Variants in UTRN observed in about 807,000 individuals in gnomAD.
The protein encoded by UTRN is utrophin.
In UTRN, 283 loss-of-function variants were observed where a neutral mutation model predicts 463.9. The ratio of observed to expected loss-of-function variants is 0.61; its 90% CI spans 0.55 to 0.67. UTRN has a LOEUF of 0.67. Among genes scored for constraint, UTRN ranks in the 30% least tolerant of loss-of-function variants. The pLI, the probability that UTRN is intolerant of heterozygous loss-of-function variation, is 0.00. For synonymous variants in UTRN, 1,442 were observed against 1,431.5 expected, an observed-to-expected ratio of 1.01 and a Z score of -0.17; for missense variants, 3,922 against 4,084.3, an observed-to-expected ratio of 0.96 and a Z score of 1.08.
intron 49 of UTRN, among the ~76,000 whole-genome samples, chr6:144,555,974 T>C (rs1799344365): frequency 6.6e-6 from 1 of 152,246 alleles, no homozygotes; most frequent in Non-Finnish European, 1.5e-5. Context: ...CCAAACTGTT[T>C]TATCAATTTC....
chr6:144,579,733 AAATAT>A (rs1801778126), intron 51 of UTRN, among the ~76,000 whole-genome samples: 1 of 152,238 alleles, frequency 6.6e-6, no homozygotes. Flanking sequence ...ATGCTTTATA[AAATAT>A]AATACATTAT....
intron 34 of UTRN, among the ~76,000 whole-genome samples, chr6:144,505,436 G>C (rs1042258987): frequency 1.3e-5 from 2 of 152,142 alleles, no homozygotes; most frequent in East Asian, 3.8e-4. Flanking sequence ...GTGTCCCAGG[G>C]ATTCTGTTAT....
At chr6:144,817,487 G>A (rs1401964632) in intron 65 of UTRN, among the ~76,000 whole-genome samples, 1 of 151,824 alleles carries the variant, frequency 6.6e-6, no homozygotes. Flanking sequence ...TATTTATTAT[G>A]GTAAGTGGGT....
intron 50 of UTRN, among the ~76,000 whole-genome samples, chr6:144,572,788 A>G (rs1416614371): frequency 6.6e-6 from 1 of 152,112 alleles, no homozygotes; most frequent in African/African-American, 2.4e-5. Flanking sequence ...TTCTTTATCC[A>G]GTCTATCATT....
At chr6:144,760,842 C>A (rs975696880) in intron 58 of UTRN, among the ~76,000 whole-genome samples, 2 of 152,072 alleles carry the variant, frequency 1.3e-5, no homozygotes, top group Non-Finnish European at 2.9e-5. Flanking sequence ...AAATATTCAA[C>A]GTTTTTGGTG....
intron 2 of UTRN, among the ~76,000 whole-genome samples, chr6:144,326,031 T>C (rs1297955377): frequency 6.6e-6 from 1 of 152,188 alleles, no homozygotes; most frequent in East Asian, 1.9e-4. Context: ...AGGAAGGAGT[T>C]TATAAGCATA....
At chr6:144,315,722 G>A (rs1200404685) in intron 2 of UTRN, among the ~76,000 whole-genome samples, 2 of 152,228 alleles carry the variant, frequency 1.3e-5, no homozygotes, top group Non-Finnish European at 2.9e-5. Context: ...CTGGATTTCA[G>A]CGTCGTTTTT....
At chr6:144,763,634 A>G (rs1447899274) in intron 58 of UTRN, among the ~76,000 whole-genome samples, 3 of 152,292 alleles carry the variant, frequency 2.0e-5, no homozygotes, top group Non-Finnish European at 2.9e-5. Flanking sequence ...CAGAAGAAAT[A>G]GTCCTTCCCT....
At chr6:144,447,577 A>G (rs1787823482) in intron 15 of UTRN, 25 bp from the exon 16 acceptor site, 2 of 1,608,692 alleles carry the variant, frequency 1.2e-6, no homozygotes, top group Non-Finnish European at 1.7e-6. Context: ...AAAAAGAGTC[A>G]TCTAATAAAT....
intron 2 of UTRN, among the ~76,000 whole-genome samples, chr6:144,319,629 G>A (rs949739334): frequency 4.6e-5 from 7 of 152,062 alleles, no homozygotes; most frequent in African/African-American, 1.2e-4. Flanking sequence ...GTGCAGTGGC[G>A]CCATCTCGGC....
At chr6:144,421,715 A>G (rs1395724339) in intron 3 of UTRN, among the ~76,000 whole-genome samples, 163 bp from the exon 4 acceptor site, 1 of 151,880 alleles carries the variant, frequency 6.6e-6, no homozygotes, top group Non-Finnish European at 1.5e-5. Flanking sequence ...ATTAAAATAA[A>G]TAAATAAATA....
intron 58 of UTRN, among the ~76,000 whole-genome samples, chr6:144,764,157 A>G (rs920015596): frequency 3.9e-5 from 6 of 152,210 alleles, no homozygotes; most frequent in Non-Finnish European, 1.5e-5. Context: ...AAATTGCTTT[A>G]TGAAAGAATG....
intron 55 of UTRN, among the ~76,000 whole-genome samples, chr6:144,750,472 C>T (rs1389809000): frequency 6.6e-6 from 1 of 152,078 alleles, no homozygotes; most frequent in East Asian, 1.9e-4. Flanking sequence ...CACATGTTGA[C>T]TTCAAACTTC....
rs549762897 is a variant in UTRN at position 144,723,988 on chromosome 6, C to T, written c.7810-6369C>T. On this transcript the variant is annotated intron_variant, in intron 53 of 74. Coordinates refer to ENST00000367545, the MANE Select transcript of UTRN (RefSeq NM_007124.3). ...TCATGCCACTGCACTCCAGCTTGGGCGACAGAGTGAGACTCCATCTCAAAA... is the reference window on the plus strand; with the variant it reads ...TCATGCCACTGCACTCCAGCTTGGGTGACAGAGTGAGACTCCATCTCAAAA... 6.1e-4 allele frequency among the ~76,000 whole-genome samples: 68 copies of T among 111,642 alleles called. 2 individuals are homozygous for T. Among genetic ancestry groups the T allele is most frequent in the African/African-American group, 2.3e-3 (62 of 26,758 alleles). The allele number at this position is 111,642 out of a possible 152,430, so 73.2% of individuals were successfully genotyped here. A position where few individuals can be genotyped will look rare whatever the true frequency, so the allele number is the denominator to read the frequency against.
At chr6:144,399,402 C>T (rs1305950613) in intron 2 of UTRN, among the ~76,000 whole-genome samples, 1 of 152,066 alleles carries the variant, frequency 6.6e-6, no homozygotes, top group Non-Finnish European at 1.5e-5. Context: ...TTTGTTACTT[C>T]CAAAATAATA....
At position 144,474,584 on chromosome 6, in the gene UTRN, T is replaced by C. The variant is rs779325268; in HGVS notation, c.3181-20T>C. The C allele has an allele frequency of 1.9e-6, 3 of 1,603,714 alleles. No individual in the cohort carries two copies. Among genetic ancestry groups the C allele is most frequent in the South Asian group, 1.1e-5 (1 of 88,964 alleles). On this transcript the variant is annotated intron_variant, in intron 24 of 74. Coordinates refer to ENST00000367545, the MANE Select transcript of UTRN (RefSeq NM_007124.3). ...CACTTATATAGTAATGAACTCAACATGCATCTTTTATGTGTTTAGGCATTT... is the reference window on the plus strand; with the variant it reads ...CACTTATATAGTAATGAACTCAACACGCATCTTTTATGTGTTTAGGCATTT...
chr6:144,374,152 G>A (rs983818395), intron 2 of UTRN, among the ~76,000 whole-genome samples: 2 of 152,260 alleles, frequency 1.3e-5, no homozygotes, highest in Non-Finnish European at 2.9e-5. Flanking sequence ...ATAACGCTAT[G>A]GAATGCCTCA....
Position 144,389,392 on chromosome 6 carries a change from A to G in UTRN, c.80-13731A>G, listed in dbSNP as rs12663605. On this transcript the variant is annotated intron_variant, in intron 2 of 74. Transcript: ENST00000367545. ...GGGCCCCACCGTTTATTTTCCTTTC[A>G]CACTGGGCTTGCTTGATAAGTTTAC... is the stretch of plus-strand genomic sequence containing the variant. Among the ~76,000 whole-genome samples the G allele has an allele frequency of 7.4e-3, 1,121 of 152,044 alleles. 58 individuals carry two copies. In the East Asian group the frequency reaches 0.13, roughly 18 times the overall value.
chr6:144,574,017 C>T (rs1399719861), intron 50 of UTRN, among the ~76,000 whole-genome samples: 1 of 152,072 alleles, frequency 6.6e-6, no homozygotes, highest in East Asian at 1.9e-4. Context: ...GTCCTTAACC[C>T]TTAAAGGAGT....
Sources: allele counts gnomAD v4.1 joint callset (sites outside exome capture counted in the v4.1 genomes callset), GRCh38; gene constraint gnomAD v4.1.1; transcripts MANE v1.5; gene names NCBI Gene and HGNC (gene_info 2026-07-23, HGNC 2026-07-21).